SCAPER: variants seen among roughly 807,000 people sequenced by gnomAD.
SCAPER encodes S phase cyclin A-associated protein in the endoplasmic reticulum.
In SCAPER, 98 loss-of-function variants were observed where a neutral mutation model predicts 182.2. That is an observed-to-expected ratio of 0.54 (90% CI 0.46 to 0.64). The LOEUF is 0.64. Ranked by LOEUF, SCAPER falls within the 30% of genes least tolerant of loss-of-function variation. The pLI, the probability that SCAPER is intolerant of heterozygous loss-of-function variation, is 0.00. For synonymous variants in SCAPER, 605 were observed against 564.6 expected (o/e 1.07, Z -1.01); for missense variants, 1,432 against 1,690.0 (o/e 0.85, Z 2.68).
chr15:76,620,363 C>A (rs151291300), intron 22 of SCAPER, among the ~76,000 whole-genome samples: 1 of 152,178 alleles, frequency 6.6e-6, no homozygotes, highest in African/African-American at 2.4e-5. Context: ...ATTTGGTAAT[C>A]CACCATCCTA....
At chr15:76,812,483 G>GAAA (rs59087455) in intron 5 of SCAPER, among the ~76,000 whole-genome samples, 20 of 101,586 alleles carry the variant, frequency 2.0e-4, no homozygotes, top group Admixed American at 5.4e-4. Context: ...GTGAGACTCT[G>GAAA]AAAAAAAAAA....
chr15:76,532,862 C>T (rs943066040), intron 23 of SCAPER, among the ~76,000 whole-genome samples: 2 of 152,120 alleles, frequency 1.3e-5, no homozygotes, highest in African/African-American at 4.8e-5. Context: ...GTGAGAGTAA[C>T]AGCAAGGGAG....
chr15:76,769,442 C>CAA (rs36078656), intron 10 of SCAPER, among the ~76,000 whole-genome samples: 108 of 69,806 alleles, frequency 1.5e-3, no homozygotes, highest in Non-Finnish European at 1.8e-3. Context: ...GACTCTGTCT[C>CAA]AAAAAAAAAA....
intron 27 of SCAPER, among the ~76,000 whole-genome samples, chr15:76,393,598 T>G (rs2043853335): frequency 6.6e-6 from 1 of 152,190 alleles, no homozygotes; most frequent in South Asian, 2.1e-4. Context: ...ACAGCAACAT[T>G]TCTGGTCCCC....
intron 7 of SCAPER, 99 bp downstream of exon 7, chr15:76,800,149 A>G (rs906913623): frequency 1.5e-6 from 1 of 665,994 alleles, no homozygotes; most frequent in African/African-American, 1.8e-5. Context: ...TAACATATAC[A>G]TGGATATTTT....
intron 5 of SCAPER, among the ~76,000 whole-genome samples, chr15:76,840,022 A>G (rs1048432014): frequency 2.6e-5 from 4 of 152,234 alleles, no homozygotes; most frequent in African/African-American, 7.2e-5. Context: ...TGCTCAGTTT[A>G]CAAAGCATAA....
At chr15:76,652,345 C>T (rs12440130) in intron 21 of SCAPER, among the ~76,000 whole-genome samples, 3,469 of 9,402 alleles carry the variant, frequency 0.37, 592 homozygotes, top group East Asian at 0.46. Context: ...CACATATATA[C>T]ACACACACAC....
intron 5 of SCAPER, among the ~76,000 whole-genome samples, chr15:76,814,323 T>A (rs2066899770): frequency 2.6e-5 from 4 of 151,740 alleles, no homozygotes; most frequent in Admixed American, 2.6e-4. Context: ...GAGAGAAAAA[T>A]TAAATTGGAG....
chr15:76,763,347 G>T (rs1349027446), intron 14 of SCAPER, among the ~76,000 whole-genome samples: 1 of 150,462 alleles, frequency 6.6e-6, no homozygotes, highest in African/African-American at 2.5e-5. Context: ...TTTCTGGGGT[G>T]GGGGGTGGTG....
intron 15 of SCAPER, among the ~76,000 whole-genome samples, chr15:76,745,268 C>T (rs1440820138): frequency 2.0e-5 from 3 of 151,856 alleles, no homozygotes; most frequent in African/African-American, 4.8e-5. Context: ...GGTGAAACCT[C>T]GTCTCTACTA....
rs532606600 is a variant in SCAPER, at chr15:76,633,510, G to GAGCC, written c.2646-11685_2646-11682dup. ...TCATCCGGGCTGCCCTGACTCACCA[G>GAGCC]AGCCAGCAGGCAGAAAACATTAAGA... On this transcript the variant is annotated intron_variant, in intron 21 of 31. Coordinates refer to ENST00000563290, the MANE Select transcript of SCAPER (RefSeq NM_020843.4). Among the ~76,000 whole-genome samples the GAGCC allele has an allele frequency of 3.2e-3, 482 of 152,318 alleles. 5 individuals are homozygous for GAGCC. The highest frequency in any genetic ancestry group is 0.011 in the African/African-American group (460 of 41,578).
At chr15:76,664,576 G>A (rs1054926068) in intron 21 of SCAPER, among the ~76,000 whole-genome samples, 9 of 152,026 alleles carry the variant, frequency 5.9e-5, no homozygotes, top group Admixed American at 5.2e-4. Context: ...GGCAAGTAGA[G>A]GTATTTATAG....
chr15:76,749,796 C>T (rs1448798738), intron 15 of SCAPER, among the ~76,000 whole-genome samples: 1 of 151,890 alleles, frequency 6.6e-6, no homozygotes, highest in Non-Finnish European at 1.5e-5. Flanking sequence ...GTCAATTCTC[C>T]TCCAAATTAA....
intron 21 of SCAPER, among the ~76,000 whole-genome samples, chr15:76,637,776 GTGTGTGTGTGTGTGTGTGTGTGTA>G: frequency 7.0e-6 from 1 of 142,624 alleles, no homozygotes; most frequent in African/African-American, 2.7e-5. Flanking sequence ...GTGTGTGTGT[GTGTGTGTGTGTGTGTGTGTGTGTA>G]TGTATATATA....
At chr15:76,493,058 G>C (rs1343005984) in intron 24 of SCAPER, among the ~76,000 whole-genome samples, 2 of 152,080 alleles carry the variant, frequency 1.3e-5, no homozygotes, top group African/African-American at 4.8e-5. Flanking sequence ...GGTGGGGATA[G>C]TAGGGAGAAC....
chr15:76,422,030 T>C (rs1344598294), intron 26 of SCAPER, among the ~76,000 whole-genome samples: 3 of 152,234 alleles, frequency 2.0e-5, no homozygotes, highest in African/African-American at 7.2e-5. Context: ...TATAGCCTTG[T>C]AGTATAGTTT....
intron 23 of SCAPER, among the ~76,000 whole-genome samples, chr15:76,532,302 C>G (rs951634433): frequency 3.9e-5 from 6 of 151,974 alleles, no homozygotes; most frequent in African/African-American, 1.4e-4. Flanking sequence ...TATTCAAACT[C>G]CTTTAACATT....
intron 17 of SCAPER, among the ~76,000 whole-genome samples, chr15:76,725,734 T>G (rs544525540): frequency 6.6e-6 from 1 of 152,062 alleles, no homozygotes; most frequent in African/African-American, 2.4e-5. Context: ...GACAAAACCA[T>G]TCAATAGAGA....
intron 16 of SCAPER, among the ~76,000 whole-genome samples, chr15:76,732,988 C>T (rs931535644): frequency 2.6e-5 from 4 of 152,226 alleles, no homozygotes; most frequent in South Asian, 4.1e-4. Flanking sequence ...TTACCCTGCC[C>T]GTTTGTCTTG....
Sources: allele counts gnomAD v4.1 joint callset (sites outside exome capture counted in the v4.1 genomes callset), GRCh38; gene constraint gnomAD v4.1.1; transcripts MANE v1.5; gene names NCBI Gene and HGNC (gene_info 2026-07-23, HGNC 2026-07-21).